FMN1: variants seen among roughly 807,000 people sequenced by gnomAD.
FMN1 encodes formin 1, also known as formin-1.
A neutral mutation model predicts 132.4 loss-of-function variants in FMN1; 110 were observed. That is an observed-to-expected ratio of 0.83 (90% CI 0.71 to 0.97). The LOEUF is 0.97. Ranked by LOEUF, FMN1 falls within the 50% of genes least tolerant of loss-of-function variation. The pLI is 0.00. For missense variants in FMN1, 1,792 were observed against 1,705.3 expected, an observed-to-expected ratio of 1.05 and a Z score of -0.90; for synonymous variants, 722 against 651.7, an observed-to-expected ratio of 1.11 and a Z score of -1.64.
intron 19 of FMN1, among the ~76,000 whole-genome samples, chr15:32,797,478 A>G (rs1000616650): frequency 1.3e-5 from 2 of 152,228 alleles, no homozygotes; most frequent in African/African-American, 4.8e-5. Flanking sequence ...AACTTATTTT[A>G]GCTTACTTTA....
intron 14 of FMN1, 115 bp downstream of exon 14, chr15:32,899,863 TG>T (rs1372297240): frequency 1.0e-6 from 1 of 998,410 alleles, no homozygotes; most frequent in African/African-American, 1.6e-5. Context: ...CTAATATAAA[TG>T]TTGTTAAGGG....
Position 33,088,953 on chromosome 15 carries a change from G to C in FMN1, c.1889C>G (p.Pro630Arg), listed in dbSNP as rs1188732618. ...TGTCTGCTCATTGAAGCCGTCCCAG[G>C]GAAAGCCCTCAGAGGAGATACCTAA... ...SPPGISSEGF[P>R]WDGFNEQTPK... The change falls in exon 5 of 21, where the codon CCC (proline) becomes CGC (arginine). Residue 630 changes from proline to arginine, a missense_variant. Physicochemically the swap from Pro to Arg is moderately radical, Grantham distance 103. This residue lies in a region of FMN1 where 1,150 missense variants were observed against 1,043.1 expected (regional missense o/e 1.10). Coordinates refer to ENST00000616417, the MANE Select transcript of FMN1 (RefSeq NM_001277313.2). 2.6e-6 allele frequency: 4 copies of C among 1,535,580 alleles called. No homozygotes were observed. Among genetic ancestry groups the C allele is most frequent in the Non-Finnish European group, 3.5e-6 (4 of 1,146,742 alleles).
intron 7 of FMN1, among the ~76,000 whole-genome samples, chr15:32,979,503 C>T (rs376329804): frequency 7.6e-6 from 1 of 131,960 alleles, no homozygotes. Flanking sequence ...TTGTAGTGAG[C>T]GGAGATTGTG....
At chr15:33,003,657 T>TA (rs1260396692) in intron 7 of FMN1, among the ~76,000 whole-genome samples, 2 of 152,190 alleles carry the variant, frequency 1.3e-5, no homozygotes, top group Non-Finnish European at 2.9e-5. Context: ...CCCATCAAGC[T>TA]ACCAATGACT....
At chr15:32,774,668 T>C (rs1349013181) in intron 20 of FMN1, among the ~76,000 whole-genome samples, 2 of 152,180 alleles carry the variant, frequency 1.3e-5, no homozygotes, top group Admixed American at 1.3e-4. Context: ...ACCCTAACTT[T>C]GTAGTGTTAC....
chr15:33,173,164 G>C (rs1468608522), intron 3 of FMN1, among the ~76,000 whole-genome samples: 6 of 152,070 alleles, frequency 3.9e-5, no homozygotes, highest in Non-Finnish European at 7.4e-5. Flanking sequence ...ATCCTTTATA[G>C]GTTTATTACA....
In FMN1 at chr15:32,773,500, G is replaced by A. The variant is rs953202754; in HGVS notation, c.*810C>T. On this transcript the variant is annotated 3_prime_UTR_variant, in exon 21 of 21. Transcript: ENST00000616417. ...GGTCTCTTGTCCAAGCACACCCAAG[G>A]CTGTGCTTGCTCAGGTATTACATTT... The A allele has an allele frequency of 2.0e-5, 3 of 152,218 alleles. No homozygotes were observed. Among genetic ancestry groups the A allele is most frequent in the Non-Finnish European group, 2.9e-5 (2 of 68,092 alleles). 9.4% of individuals were successfully genotyped at this position (152,218 alleles called of 1,614,324 possible). A position where few individuals can be genotyped will look rare whatever the true frequency, so the allele number is the denominator to read the frequency against.
rs190522820 is a variant in FMN1, at chr15:33,149,783, G to A, written c.1867+3265C>T. The stretch of plus-strand genomic sequence containing the variant: ...TGCATATGTCTATTAATGTCGTGAC[G>A]CTTCTTTACAATTTTATTGGAATTG... On this transcript the variant is annotated intron_variant, in intron 4 of 20. Transcript: ENST00000616417. 4.1e-4 allele frequency: 406 copies of A among 983,844 alleles called. 1 individual carries two copies. In the African/African-American group the frequency reaches 6.7e-3, roughly 16 times the overall value. 60.9% of individuals were successfully genotyped at this position (983,844 alleles called of 1,614,324 possible). A position where few individuals can be genotyped will look rare whatever the true frequency, so the allele number is the denominator to read the frequency against.
chr15:32,944,835 T>C (rs898819071), intron 9 of FMN1, among the ~76,000 whole-genome samples: 6 of 152,232 alleles, frequency 3.9e-5, no homozygotes, highest in Admixed American at 6.5e-5. Context: ...TTGTGTAATG[T>C]AGAAGACAAA....
chr15:33,089,071 C>G, intron 4 of FMN1, 97 bp from the exon 5 acceptor site: 1 of 920,386 alleles, frequency 1.1e-6, no homozygotes. Flanking sequence ...CTTCTCTATG[C>G]TAGCTCTTAC....
Position 32,902,965 on chromosome 15 carries a change from G to A in FMN1, c.3378-925C>T, listed in dbSNP as rs181907466. 2.7e-4 allele frequency among the ~76,000 whole-genome samples: 41 copies of A among 152,274 alleles called. 3 individuals are homozygous for A. Among genetic ancestry groups the A allele is most frequent in the East Asian group, 1.9e-3 (10 of 5,192 alleles). On this transcript the variant is annotated intron_variant, in intron 12 of 20. Coordinates refer to ENST00000616417, the MANE Select transcript of FMN1 (RefSeq NM_001277313.2). ...CTGAAAGTCTTGGTCAACTCATAAC[G>A]TCATTACCAAGGAATTTTGCCATCT...
chr15:32,987,309 C>G (rs140822607), intron 7 of FMN1, among the ~76,000 whole-genome samples: 1 of 152,140 alleles, frequency 6.6e-6, no homozygotes, highest in East Asian at 1.9e-4. Flanking sequence ...TTGTCAGTTA[C>G]AAGAGATGAC....
intron 7 of FMN1, among the ~76,000 whole-genome samples, chr15:32,983,179 T>C (rs954765915): frequency 8.6e-5 from 13 of 151,904 alleles, no homozygotes; most frequent in African/African-American, 3.1e-4. Context: ...TACTCAGAAG[T>C]AAAAAGAAAT....
chr15:32,836,330 G>A (rs886682594), intron 17 of FMN1, among the ~76,000 whole-genome samples: 1 of 152,084 alleles, frequency 6.6e-6, no homozygotes, highest in Admixed American at 6.6e-5. Context: ...ACTGCATGGC[G>A]GTTTGGGAAT....
At chr15:33,049,615 C>T (rs963504408) in intron 6 of FMN1, among the ~76,000 whole-genome samples, 1 of 152,222 alleles carries the variant, frequency 6.6e-6, no homozygotes, top group Non-Finnish European at 1.5e-5. Context: ...AAGCTACCTT[C>T]TTACATATTT....
chr15:33,126,115 G>A (rs1466154562), intron 4 of FMN1, among the ~76,000 whole-genome samples: 2 of 152,158 alleles, frequency 1.3e-5, no homozygotes, highest in East Asian at 1.9e-4. Flanking sequence ...CGCTTTTGCA[G>A]CTGTGGCTGC....
chr15:32,808,037 C>T (rs1261912545), intron 17 of FMN1, among the ~76,000 whole-genome samples: 1 of 152,216 alleles, frequency 6.6e-6, no homozygotes, highest in East Asian at 1.9e-4. Flanking sequence ...AGACTGGAGT[C>T]ACAAACTCAA....
At chr15:33,012,358 T>C in intron 6 of FMN1, 3 of 877,264 alleles carry the variant, frequency 3.4e-6, no homozygotes, top group Non-Finnish European at 5.7e-6. Flanking sequence ...ACAAGGTGGA[T>C]GAAGAGTTGT....
At chr15:32,899,685 A>G (rs1252999119) in intron 14 of FMN1, 16 of 418,890 alleles carry the variant, frequency 3.8e-5, no homozygotes, top group Non-Finnish European at 5.5e-5. Context: ...ACTGTATGCT[A>G]TCTGTTTTGT....
Sources: gnomAD v4.1 joint callset for allele counts (sites outside exome capture counted in the v4.1 genomes callset) on GRCh38, gnomAD v4.1.1 for gene constraint, gnomAD v4.1.1 regional missense constraint, MANE v1.5 for transcripts, NCBI Gene and HGNC (gene_info 2026-07-23, HGNC 2026-07-21) for gene names.